The following GABRB1 variants were observed in gnomAD, a reference collection of about 807,000 sequenced individuals.
GABRB1 encodes the protein gamma-aminobutyric acid type A receptor subunit beta1, also known as gamma-aminobutyric acid receptor subunit beta-1.
GABRB1 carries 17 observed loss-of-function variants against 51.6 expected under a neutral mutation model. That is an observed-to-expected ratio of 0.33 (90% CI 0.23 to 0.49). GABRB1 has a LOEUF of 0.49. Ranked by LOEUF, GABRB1 falls within the 20% of genes least tolerant of loss-of-function variation. GABRB1 has a pLI of 0.99. For missense variants in GABRB1, 410 were observed against 600.6 expected (o/e 0.68, Z 3.32); for synonymous variants, 247 against 218.9 (o/e 1.13, Z -1.14).
intron 1 of GABRB1, among the ~76,000 whole-genome samples, chr4:47,026,259 T>G (rs1055108490): frequency 2.6e-5 from 4 of 152,064 alleles, no homozygotes; most frequent in Admixed American, 6.6e-5. Flanking sequence ...CACTTATTGT[T>G]GCATAGTTCT....
At chr4:47,423,928 A>G (rs1729178136) in intron 8 of GABRB1, among the ~76,000 whole-genome samples, 1 of 152,338 alleles carries the variant, frequency 6.6e-6, no homozygotes, top group East Asian at 1.9e-4. Flanking sequence ...GTAGAATTCA[A>G]TAAATTGTAG....
chr4:47,006,380 G>A (rs1296331404), intron 1 of GABRB1, among the ~76,000 whole-genome samples: 1 of 152,072 alleles, frequency 6.6e-6, no homozygotes, highest in African/African-American at 2.4e-5. Context: ...AGAATTTGCA[G>A]TACCAAAAAA....
intron 5 of GABRB1, among the ~76,000 whole-genome samples, chr4:47,388,588 C>A (rs1364884480): frequency 6.6e-6 from 1 of 152,134 alleles, no homozygotes; most frequent in Non-Finnish European, 1.5e-5. Flanking sequence ...TTATGTCAAT[C>A]AAGAGTGGCT....
At chr4:47,092,352 T>C (rs1174249936) in intron 3 of GABRB1, among the ~76,000 whole-genome samples, 1 of 151,294 alleles carries the variant, frequency 6.6e-6, no homozygotes, top group Admixed American at 6.6e-5. Flanking sequence ...TTTATATTTT[T>C]AGTAGAGGTG....
chr4:47,210,086 A>G (rs1452463007), intron 4 of GABRB1, among the ~76,000 whole-genome samples: 1 of 152,092 alleles, frequency 6.6e-6, no homozygotes, highest in Non-Finnish European at 1.5e-5. Context: ...TTCCTTACCC[A>G]CTTGAACCAT....
intron 5 of GABRB1, among the ~76,000 whole-genome samples, chr4:47,382,015 T>C (rs1727615879): frequency 6.6e-6 from 1 of 152,190 alleles, no homozygotes; most frequent in Non-Finnish European, 1.5e-5. Context: ...ATAAGGTGCT[T>C]GGATTATAGT....
intron 4 of GABRB1, among the ~76,000 whole-genome samples, chr4:47,175,265 T>C (rs771816918): frequency 6.6e-6 from 1 of 151,772 alleles, no homozygotes; most frequent in Non-Finnish European, 1.5e-5. Context: ...CCTATGTTGC[T>C]CAGGCTTGTC....
intron 4 of GABRB1, among the ~76,000 whole-genome samples, chr4:47,207,156 G>A (rs1045547812): frequency 3.3e-5 from 5 of 151,910 alleles, no homozygotes; most frequent in Non-Finnish European, 7.4e-5. Flanking sequence ...TTAACTTGTA[G>A]TATCACAGCA....
chr4:47,074,013 T>C (rs568440526), intron 3 of GABRB1, among the ~76,000 whole-genome samples: 13 of 152,348 alleles, frequency 8.5e-5, no homozygotes, highest in South Asian at 6.2e-4. Context: ...CAAGCCATCA[T>C]TGGATTATTT....
intron 1 of GABRB1, among the ~76,000 whole-genome samples, chr4:47,000,787 CG>C (rs1724154455): frequency 6.6e-6 from 1 of 152,128 alleles, no homozygotes; most frequent in Non-Finnish European, 1.5e-5. Flanking sequence ...TTTTATATGC[CG>C]GCTGGTTTTC....
intron 4 of GABRB1, among the ~76,000 whole-genome samples, chr4:47,184,599 T>C (rs2109774619): frequency 6.6e-6 from 1 of 152,102 alleles, no homozygotes. Flanking sequence ...TGATTTCCTG[T>C]TAACACCTGT....
chr4:47,424,348 G>T (rs1353210606), intron 8 of GABRB1, among the ~76,000 whole-genome samples: 1 of 152,148 alleles, frequency 6.6e-6, no homozygotes, highest in African/African-American at 2.4e-5. Context: ...ATAAAATGGG[G>T]ATGGGATGGC....
chr4:47,161,939 C>T (rs1260433540), intron 4 of GABRB1, among the ~76,000 whole-genome samples: 1 of 151,946 alleles, frequency 6.6e-6, no homozygotes, highest in African/African-American at 2.4e-5. Flanking sequence ...TTCACCAATG[C>T]CCCAAAACAA....
intron 4 of GABRB1, among the ~76,000 whole-genome samples, chr4:47,279,148 A>G (rs952092409): frequency 1.3e-5 from 2 of 152,072 alleles, no homozygotes; most frequent in Non-Finnish European, 2.9e-5. Flanking sequence ...GGATGGATGA[A>G]TTCATCCAGT....
chr4:47,410,833 G>A (rs556850480), intron 8 of GABRB1, among the ~76,000 whole-genome samples: 42 of 152,304 alleles, frequency 2.8e-4, no homozygotes, highest in African/African-American at 9.6e-4. Flanking sequence ...AAAATCTCAA[G>A]AGGCTTATAC....
At chr4:47,293,059 T>C (rs926454003) in intron 4 of GABRB1, among the ~76,000 whole-genome samples, 2 of 152,218 alleles carry the variant, frequency 1.3e-5, no homozygotes, top group African/African-American at 4.8e-5. Flanking sequence ...TCAATAACAA[T>C]TTATATCAAT....
chr4:47,140,253 C>G (rs565078737), intron 3 of GABRB1, among the ~76,000 whole-genome samples: 1 of 151,820 alleles, frequency 6.6e-6, no homozygotes, highest in Non-Finnish European at 1.5e-5. Flanking sequence ...TTTTGTCTGA[C>G]TTTTTCATAC....
chr4:47,011,971 C>A (rs935910209), intron 1 of GABRB1, among the ~76,000 whole-genome samples: 2 of 152,086 alleles, frequency 1.3e-5, no homozygotes, highest in Non-Finnish European at 2.9e-5. Flanking sequence ...TAAATTCTAA[C>A]ATTTGTCAAA....
rs542434670 is a variant in GABRB1, at chr4:47,304,577, GCTGT to G, written c.462-15547_462-15544del. On this transcript the variant is annotated intron_variant, in intron 4 of 8. Transcript: ENST00000295454. ...GTTTGCAAATTCTTTCATTTCATAGGCTGTCTATTATCTCTGTTGATTGTTTTCT... is the reference window on the plus strand; with the variant it reads ...GTTTGCAAATTCTTTCATTTCATAGGCTATTATCTCTGTTGATTGTTTTCT... Among the ~76,000 whole-genome samples the G allele has an allele frequency of 9.1e-4, 138 of 151,960 alleles. 1 individual carries two copies. Among genetic ancestry groups the G allele is most frequent in the Non-Finnish European group, 1.1e-3 (77 of 67,892 alleles).
Sources: allele counts gnomAD v4.1 joint callset (sites outside exome capture counted in the v4.1 genomes callset), GRCh38; gene constraint gnomAD v4.1.1; transcripts MANE v1.5; gene names NCBI Gene and HGNC (gene_info 2026-07-23, HGNC 2026-07-21).